Variants in CNTN5 observed in about 807,000 individuals in gnomAD.
CNTN5 encodes the protein contactin-5.
CNTN5 carries 77 observed loss-of-function variants against 129.1 expected under a neutral mutation model. The ratio of observed to expected loss-of-function variants is 0.60; its 90% CI spans 0.50 to 0.72. CNTN5 has a LOEUF of 0.72. Ranked by LOEUF, CNTN5 falls within the 30% of genes least tolerant of loss-of-function variation. The pLI, the probability that CNTN5 is intolerant of heterozygous loss-of-function variation, is 0.00. For missense variants in CNTN5, 1,478 were observed against 1,328.8 expected, an observed-to-expected ratio of 1.11 and a Z score of -1.75; for synonymous variants, 509 against 465.6, an observed-to-expected ratio of 1.09 and a Z score of -1.20.
chr11:99,760,500 T>C (rs1208968287), intron 3 of CNTN5, among the ~76,000 whole-genome samples: 1 of 152,136 alleles, frequency 6.6e-6, no homozygotes, highest in Non-Finnish European at 1.5e-5. Context: ...GAATTTTTTG[T>C]TACGTTATAC....
chr11:99,541,806 A>T (rs1362432188), intron 2 of CNTN5, among the ~76,000 whole-genome samples: 2 of 151,844 alleles, frequency 1.3e-5, no homozygotes, highest in Non-Finnish European at 2.9e-5. Flanking sequence ...AAAATTGGCT[A>T]CGTAGGATGG....
intron 2 of CNTN5, among the ~76,000 whole-genome samples, chr11:99,466,484 T>A (rs1944948229): frequency 6.6e-6 from 1 of 152,208 alleles, no homozygotes; most frequent in South Asian, 2.1e-4. Flanking sequence ...TCAATCTTTC[T>A]TTGATTTTTA....
Position 100,080,885 on chromosome 11 carries a change from G to A in CNTN5, c.1580+6591G>A, listed in dbSNP as rs531062997. ...TCAAAAGAAATAAAATGATTAAATG[G>A]CATTGTTTACCTAAAGGAAGAAAGG... On this transcript the variant is annotated intron_variant, in intron 13 of 24. Transcript: ENST00000524871. Among the ~76,000 whole-genome samples, 6 of 152,130 alleles carry A rather than the reference G, an allele frequency of 3.9e-5. No homozygotes were observed. The East Asian group carries it at 5.8e-4, about 15-fold the overall frequency.
chr11:100,143,127 A>T (rs1399818954), intron 13 of CNTN5, among the ~76,000 whole-genome samples: 1 of 152,208 alleles, frequency 6.6e-6, no homozygotes, highest in Non-Finnish European at 1.5e-5. Flanking sequence ...AGCATCTTGG[A>T]TAAGCCAAGG....
At chr11:99,471,824 C>T (rs10893381) in intron 2 of CNTN5, among the ~76,000 whole-genome samples, 29,834 of 151,914 alleles carry the variant, frequency 0.2, 3,083 homozygotes, top group Admixed American at 0.24. Flanking sequence ...TGTCCCTTTT[C>T]CCAGAAAGAT....
At chr11:99,909,857 T>C (rs1447729933) in intron 6 of CNTN5, among the ~76,000 whole-genome samples, 4 of 152,060 alleles carry the variant, frequency 2.6e-5, no homozygotes, top group Non-Finnish European at 4.4e-5. Context: ...ATATACCTAA[T>C]ATTAAATGAC....
rs74500401 is a variant in CNTN5, at chr11:99,406,833, G to A, written c.-71+81349G>A. On this transcript the variant is annotated intron_variant, in intron 2 of 24. Coordinates refer to ENST00000524871, the MANE Select transcript of CNTN5 (RefSeq NM_014361.4). ...AGAGGAGCTTCATACTGTGACCACT[G>A]CCACATCAGACTCATCGGGAGTACT... Among the ~76,000 whole-genome samples the A allele has an allele frequency of 8.5e-5, 13 of 152,248 alleles. No individual in the cohort carries two copies. In the East Asian group the frequency reaches 2.3e-3, roughly 27 times the overall value.
intron 3 of CNTN5, among the ~76,000 whole-genome samples, chr11:99,660,229 T>A (rs1952545642): frequency 6.6e-6 from 1 of 152,080 alleles, no homozygotes; most frequent in African/African-American, 2.4e-5. Context: ...GTGAAAAAAA[T>A]TATTTAATTC....
At chr11:99,816,397 T>TA (rs1391129336) in intron 3 of CNTN5, among the ~76,000 whole-genome samples, 1 of 152,152 alleles carries the variant, frequency 6.6e-6, no homozygotes, top group African/African-American at 2.4e-5. Context: ...TGCAGAATCT[T>TA]AACATCAACA....
intron 2 of CNTN5, among the ~76,000 whole-genome samples, chr11:99,493,897 CA>C (rs1946129007): frequency 6.6e-6 from 1 of 151,952 alleles, no homozygotes; most frequent in South Asian, 2.1e-4. Context: ...TAGTAAACTT[CA>C]AAAGCAATCT....
chr11:99,911,803 C>T (rs796512628), intron 6 of CNTN5, among the ~76,000 whole-genome samples: 34 of 151,570 alleles, frequency 2.2e-4, no homozygotes, highest in African/African-American at 8.2e-4. Flanking sequence ...AACTCTATTA[C>T]CACGTGTTAT....
chr11:99,951,224 T>C (rs1950665600), intron 7 of CNTN5, among the ~76,000 whole-genome samples: 1 of 151,150 alleles, frequency 6.6e-6, no homozygotes, highest in Admixed American at 6.6e-5. Context: ...TGTGTCTGTG[T>C]GTAATAGGGA....
At chr11:99,503,191 C>T (rs919783346) in intron 2 of CNTN5, among the ~76,000 whole-genome samples, 3 of 152,034 alleles carry the variant, frequency 2.0e-5, no homozygotes, top group Non-Finnish European at 4.4e-5. Context: ...ATCTTTCTTC[C>T]CTTCACTTCC....
chr11:99,260,071 A>G (rs928769494), intron 1 of CNTN5, among the ~76,000 whole-genome samples: 3 of 151,694 alleles, frequency 2.0e-5, no homozygotes, highest in Non-Finnish European at 4.4e-5. Context: ...TTCTTATAGA[A>G]TTCATTGTTC....
chr11:99,023,984 A>T (rs1863000284), intron 1 of CNTN5, among the ~76,000 whole-genome samples: 1 of 152,174 alleles, frequency 6.6e-6, no homozygotes, highest in Non-Finnish European at 1.5e-5. Flanking sequence ...CTGTGCTAAC[A>T]TGTTACATGA....
chr11:99,030,251 A>G (rs1184409537), intron 1 of CNTN5, among the ~76,000 whole-genome samples: 1 of 152,188 alleles, frequency 6.6e-6, no homozygotes, highest in African/African-American at 2.4e-5. Flanking sequence ...TACTTCCTTC[A>G]TATCTTTAGC....
intron 9 of CNTN5, among the ~76,000 whole-genome samples, chr11:100,036,361 G>T (rs1661016368): frequency 6.6e-6 from 1 of 151,910 alleles, no homozygotes; most frequent in Non-Finnish European, 1.5e-5. Context: ...GGCTATTTTG[G>T]TTACTGTAGC....
rs192977492 is a variant in CNTN5 at position 99,630,006 on chromosome 11, C to T, written c.55+73737C>T. 2.2e-3 allele frequency among the ~76,000 whole-genome samples: 337 copies of T among 151,388 alleles called. 4 individuals are homozygous for T. Among genetic ancestry groups the T allele is most frequent in the Middle Eastern group, 6.8e-3 (2 of 292 alleles). On this transcript the variant is annotated intron_variant, in intron 3 of 24. Coordinates refer to ENST00000524871, the MANE Select transcript of CNTN5 (RefSeq NM_014361.4). Reference sequence around the variant, plus strand: ...ATTTAATTGAAGTGAATTGATGATACGCATGGATTTACACGGTGGGAGATA... The same window carrying T: ...ATTTAATTGAAGTGAATTGATGATATGCATGGATTTACACGGTGGGAGATA...
At chr11:99,274,841 A>C (rs2135868566) in intron 1 of CNTN5, among the ~76,000 whole-genome samples, 1 of 151,642 alleles carries the variant, frequency 6.6e-6, no homozygotes, top group East Asian at 1.9e-4. Flanking sequence ...TGTCTTTCAA[A>C]AACTGATTAC....
Sources: gnomAD v4.1 joint callset for allele counts (sites outside exome capture counted in the v4.1 genomes callset) on GRCh38, gnomAD v4.1.1 for gene constraint, MANE v1.5 for transcripts, NCBI Gene and HGNC (gene_info 2026-07-23, HGNC 2026-07-21) for gene names.